The following NFYC variants were observed in gnomAD, a reference collection of about 807,000 sequenced individuals.
NFYC encodes the protein CAAT box DNA-binding protein subunit C.
NFYC carries 25 observed loss-of-function variants against 53.1 expected under a neutral mutation model. The ratio of observed to expected loss-of-function variants is 0.47; its 90% CI spans 0.34 to 0.66. The LOEUF (loss-of-function observed/expected upper bound fraction) is 0.66. Ranked by LOEUF, NFYC falls within the 30% of genes least tolerant of loss-of-function variation. The probability of loss-of-function intolerance (pLI) is 0.01; values close to 1 mark genes in which losing one functional copy is unlikely to be tolerated. For synonymous variants in NFYC, 145 were observed against 152.6 expected, an observed-to-expected ratio of 0.95 and a Z score of 0.37; for missense variants, 260 against 422.7, an observed-to-expected ratio of 0.62 and a Z score of 3.38.
intron 4 of NFYC, 24 bp downstream of exon 4, chr1:40,749,710 G>A: frequency 6.3e-7 from 1 of 1,582,104 alleles, no homozygotes; most frequent in Admixed American, 1.7e-5. Context: ...CTTAGATTAG[G>A]AAAACTGGGG....
Position 40,771,123 on chromosome 1 carries a change from C to T in NFYC, c.*295C>T. ...TTAAATAACATATTTATGGCATTTTCTTGAAGAGTGTGGTTGAAGAAATAT... is the reference window on the plus strand; with the variant it reads ...TTAAATAACATATTTATGGCATTTTTTTGAAGAGTGTGGTTGAAGAAATAT... On this transcript the variant is annotated 3_prime_UTR_variant, in exon 10 of 10. Transcript: ENST00000447388. 2 of 451,404 alleles carry T rather than the reference C, an allele frequency of 4.4e-6. No individual in the cohort carries two copies. Among genetic ancestry groups the T allele is most frequent in the South Asian group, 3.1e-5 (1 of 31,844 alleles). 28.0% of individuals were successfully genotyped at this position (451,404 alleles called of 1,614,324 possible). A position where few individuals can be genotyped will look rare whatever the true frequency, so the allele number is the denominator to read the frequency against.
intron 5 of NFYC, chr1:40,754,340 G>A (rs537559689): frequency 4.5e-5 from 24 of 534,514 alleles, no homozygotes; most frequent in Middle Eastern, 3.3e-4. Context: ...GCCTCACTGC[G>A]TCTCCGTTCT....
intron 1 of NFYC, among the ~76,000 whole-genome samples, chr1:40,693,315 G>A (rs573975562): frequency 4.6e-5 from 7 of 152,242 alleles, no homozygotes; most frequent in Non-Finnish European, 8.8e-5. Flanking sequence ...AATCTGAATC[G>A]TAGTTACTTG....
At chr1:40,730,739 A>G (rs551248144) in intron 1 of NFYC, 2 of 184,576 alleles carry the variant, frequency 1.1e-5, no homozygotes, top group Admixed American at 6.5e-5. Context: ...GAATGATAAT[A>G]CCAACATTAT....
Position 40,769,398 on chromosome 1 carries a change from C to G in NFYC, c.871C>G (p.Gln291Glu). The change falls in exon 9 of 10, where the codon CAG becomes GAG. Residue 291 changes from glutamine to glutamate, a missense_variant. Transcript: ENST00000447388. The part of the protein sequence containing the change: ...EVQQGQQQFS[Q>E]FTDGQQLYQI... ...CCAGCAAGGACAGCAGCAGTTCAGC[C>G]AGTTCACAGATGGACAGGTAGGGTA... is the stretch of plus-strand genomic sequence containing the variant. 1 of 1,614,102 alleles carries G rather than the reference C, an allele frequency of 6.2e-7. No individual in the cohort carries two copies. The highest frequency in any genetic ancestry group is 1.1e-5 in the South Asian group (1 of 91,076).
At chr1:40,731,466 C>A (rs1386979584) in intron 1 of NFYC, among the ~76,000 whole-genome samples, 1 of 151,704 alleles carries the variant, frequency 6.6e-6, no homozygotes, top group Non-Finnish European at 1.5e-5. Context: ...AGCCACCGCA[C>A]CTGGCCTTTC....
chr1:40,769,759 A>AT (rs890526121), intron 9 of NFYC, among the ~76,000 whole-genome samples: 1 of 151,960 alleles, frequency 6.6e-6, no homozygotes, highest in Non-Finnish European at 1.5e-5. Flanking sequence ...CTAGAACTGT[A>AT]TTTTTTTCCC....
Position 40,770,680 on chromosome 1 carries a change from C to T in NFYC, c.889-29C>T, listed in dbSNP as rs751517068. On this transcript the variant is annotated intron_variant, in intron 9 of 9. Coordinates refer to ENST00000447388, the MANE Select transcript of NFYC (RefSeq NM_014223.5). The surrounding 1 kb of genome is among the most constrained non-coding windows in gnomAD (Gnocchi z 5.3). ...CTGCATGCCCCTCTCCCAGGGATGACCTCACTCTCTCCTCTCCACCCCTCG... is the reference window on the plus strand; with the variant it reads ...CTGCATGCCCCTCTCCCAGGGATGATCTCACTCTCTCCTCTCCACCCCTCG... The T allele has an allele frequency of 6.8e-6, 11 of 1,614,074 alleles. No individual in the cohort carries two copies. The highest frequency in any genetic ancestry group is 2.7e-5 in the African/African-American group (2 of 74,996).
chr1:40,723,293 G>C (rs752885270), intron 1 of NFYC: 1 of 152,298 alleles, frequency 6.6e-6, no homozygotes, highest in Non-Finnish European at 1.5e-5. Flanking sequence ...ATGATGCTTT[G>C]TTTTAGAATA....
At chr1:40,755,366 A>C (rs1458545007) in intron 5 of NFYC, among the ~76,000 whole-genome samples, 1 of 152,214 alleles carries the variant, frequency 6.6e-6, no homozygotes, top group Non-Finnish European at 1.5e-5. Context: ...TTGTTCTGCC[A>C]CTTGGGGCAA....
chr1:40,726,216 C>T (rs538430333), intron 1 of NFYC, among the ~76,000 whole-genome samples: 2 of 151,976 alleles, frequency 1.3e-5, no homozygotes, highest in South Asian at 2.1e-4. Flanking sequence ...CTCCTGGGCT[C>T]AAGCGATTCT....
At chr1:40,708,581 C>T (rs1643831100) in intron 1 of NFYC, among the ~76,000 whole-genome samples, 1 of 152,116 alleles carries the variant, frequency 6.6e-6, no homozygotes, top group Non-Finnish European at 1.5e-5. Flanking sequence ...CTTCCATTGT[C>T]CCTGCCGCTA....
At chr1:40,704,146 A>G (rs1363053256) in intron 1 of NFYC, among the ~76,000 whole-genome samples, 2 of 149,910 alleles carry the variant, frequency 1.3e-5, no homozygotes, top group Non-Finnish European at 3.0e-5. Context: ...ATCTCTGCTC[A>G]CTGCAACCTC....
chr1:40,701,580 G>A (rs564585437), intron 1 of NFYC, among the ~76,000 whole-genome samples: 3 of 152,128 alleles, frequency 2.0e-5, no homozygotes, highest in Admixed American at 6.5e-5. Flanking sequence ...TAAAACTTAC[G>A]TAAGCCCTGG....
intron 1 of NFYC, among the ~76,000 whole-genome samples, chr1:40,700,230 C>G (rs1643366088): frequency 6.6e-6 from 1 of 152,176 alleles, no homozygotes. Flanking sequence ...ATAATAGTAG[C>G]AGGTACCATT....
intron 1 of NFYC, among the ~76,000 whole-genome samples, chr1:40,693,939 A>G (rs1206078800): frequency 6.6e-6 from 1 of 152,252 alleles, no homozygotes; most frequent in East Asian, 1.9e-4. Flanking sequence ...TCAGCTAGGT[A>G]TTCAAATCAT....
At chr1:40,720,800 T>C (rs956222241) in intron 1 of NFYC, among the ~76,000 whole-genome samples, 5 of 152,154 alleles carry the variant, frequency 3.3e-5, no homozygotes, top group Non-Finnish European at 7.4e-5. Flanking sequence ...ACCCAGGAGG[T>C]TGAGGCTTCA....
Position 40,738,957 on chromosome 1 carries a change from G to A in NFYC, c.105+9G>A, listed in dbSNP as rs763179213. ...TCCGGAATTTAACAGTGGTGAGGAA[G>A]AATGAGAAACTTTTATTAGAAACTT... On this transcript the variant is annotated intron_variant, in intron 2 of 9. Coordinates refer to ENST00000447388, the MANE Select transcript of NFYC (RefSeq NM_014223.5). The A allele has an allele frequency of 6.9e-6, 11 of 1,585,538 alleles. No homozygotes were observed. The South Asian group carries it at 1.1e-4, about 16-fold the overall frequency.
At chr1:40,747,637 T>C (rs771091051) in intron 3 of NFYC, 32 bp downstream of exon 3, 4 of 1,472,798 alleles carry the variant, frequency 2.7e-6, no homozygotes, top group African/African-American at 1.4e-5. Flanking sequence ...TTATTTCTTA[T>C]TGAAGCTAAG....
Sources: allele counts gnomAD v4.1 joint callset (sites outside exome capture counted in the v4.1 genomes callset), GRCh38; gene constraint gnomAD v4.1.1; non-coding constraint Gnocchi (gnomAD v3.1); transcripts MANE v1.5; gene names NCBI Gene and HGNC (gene_info 2026-07-23, HGNC 2026-07-21).